COL12A1: variants seen among roughly 807,000 people sequenced by gnomAD.
COL12A1 encodes collagen type XII alpha 1 chain.
A neutral mutation model predicts 349.7 loss-of-function variants in COL12A1; 114 were observed. The observed-to-expected ratio is 0.33, with a 90% CI of 0.28 to 0.38. The LOEUF (loss-of-function observed/expected upper bound fraction) is 0.38. COL12A1 is among the 10% of genes least tolerant of loss of function. The pLI is 1.00. For missense variants in COL12A1, 3,284 were observed against 3,756.9 expected (o/e 0.87, Z 3.29); for synonymous variants, 1,369 against 1,329.0 (o/e 1.03, Z -0.66).
chr6:75,132,997 G>A (rs1473767222), intron 34 of COL12A1, among the ~76,000 whole-genome samples: 1 of 152,150 alleles, frequency 6.6e-6, no homozygotes. Flanking sequence ...TTATAAAGCA[G>A]AAAGCAAAGC....
chr6:75,140,313 T>C (rs1314954550), intron 27 of COL12A1, among the ~76,000 whole-genome samples: 1 of 151,952 alleles, frequency 6.6e-6, no homozygotes, highest in African/African-American at 2.4e-5. Context: ...TCTCACATGG[T>C]AAGAAAATAG....
intron 8 of COL12A1, among the ~76,000 whole-genome samples, chr6:75,186,506 A>T (rs1269252475): frequency 1.3e-5 from 2 of 152,168 alleles, no homozygotes; most frequent in Admixed American, 6.6e-5. Context: ...AGGAATGCTT[A>T]TATACTGTTG....
In COL12A1 at chr6:75,085,371, C is replaced by A. The variant is rs1181917190; in HGVS notation, c.*1176G>T. 2.1e-6 allele frequency: 1 copy of A among 469,790 alleles called. No individual in the cohort carries two copies. Among genetic ancestry groups the A allele is most frequent in the Admixed American group, 2.4e-5 (1 of 42,434 alleles). 29.1% of individuals were successfully genotyped at this position (469,790 alleles called of 1,614,324 possible). A position where few individuals can be genotyped will look rare whatever the true frequency, so the allele number is the denominator to read the frequency against. The stretch of plus-strand genomic sequence containing the variant: ...GCCCTCGGGCACGTAAGGCTCTGTC[C>A]GATTCAACATTACAATTATGGCATG... On this transcript the variant is annotated 3_prime_UTR_variant, in exon 66 of 66. Transcript: ENST00000322507.
intron 14 of COL12A1, among the ~76,000 whole-genome samples, chr6:75,157,447 A>G (rs1438169871): frequency 6.6e-6 from 1 of 152,100 alleles, no homozygotes; most frequent in Non-Finnish European, 1.5e-5. Flanking sequence ...CCCAGAAAAA[A>G]AAAAACCTAA....
chr6:75,189,122 G>T, intron 7 of COL12A1, 95 bp downstream of exon 7: 2 of 1,314,914 alleles, frequency 1.5e-6, no homozygotes, highest in Non-Finnish European at 2.1e-6. Flanking sequence ...ACTTCTAATA[G>T]CATCCTTCCT....
rs1162295476 is a variant in COL12A1 at position 75,132,061 on chromosome 6, T to G, written c.5816A>C (p.Asn1939Thr). ...AGGTGTAGGATTGTATACTTGGACA[T>G]TTCTTGCCAGTCCTCTCATCACTGA... is the stretch of plus-strand genomic sequence containing the variant. ...GRTLMRGLAR[N>T]VQVYNPTPNS... The change falls in exon 35 of 66, where the codon AAT becomes ACT. Residue 1939 changes from asparagine (N) to threonine (T), a missense_variant. By Grantham distance (65) the Asn-to-Thr change is moderately conservative (BLOSUM62 0). Coordinates refer to ENST00000322507, the MANE Select transcript of COL12A1 (RefSeq NM_004370.6). 9.3e-6 allele frequency: 15 copies of G among 1,613,958 alleles called. No individual in the cohort carries two copies. The highest frequency in any genetic ancestry group is 1.3e-5 in the Non-Finnish European group (15 of 1,179,956).
intron 14 of COL12A1, among the ~76,000 whole-genome samples, chr6:75,163,676 A>G (rs2149435900): frequency 6.6e-6 from 1 of 152,240 alleles, no homozygotes; most frequent in Admixed American, 6.6e-5. Context: ...AAAAAAGTTA[A>G]CTTGGGAAAA....
rs761596576 is a variant in COL12A1, at chr6:75,086,556, A to T, written c.9183T>A (p.Gly3061=). The T allele has an allele frequency of 1.2e-6, 2 of 1,605,856 alleles. No individual in the cohort carries two copies. The highest frequency in any genetic ancestry group is 1.7e-6 in the Non-Finnish European group (2 of 1,175,258). ...CGACTTAGAAAATGTGTTAGCCGGA[A>T]CCTGAAACAGGTCAAAGATGATAGT... ...SIPYNGQGYP[G]SG Residue 3061 remains glycine (G), a splice_region_variant and synonymous_variant, in exon 66 of 66, where the codon GGT becomes GGA. Transcript: ENST00000322507.
In COL12A1 at chr6:75,125,352, G is replaced by T. The variant is rs944979976; in HGVS notation, c.6461-79C>A. Reference sequence around the variant, plus strand: ...TTTGCTTAAAATTAAAGATCTTATAGTCAAAGGGTATTATGAACACGATTA... The same window carrying T: ...TTTGCTTAAAATTAAAGATCTTATATTCAAAGGGTATTATGAACACGATTA... On this transcript the variant is annotated intron_variant, in intron 39 of 65. Transcript: ENST00000322507. 6 of 1,359,844 alleles carry T rather than the reference G, an allele frequency of 4.4e-6. No homozygotes were observed. In the Admixed American group the frequency reaches 1.4e-4, roughly 31 times the overall value. The allele number at this position is 1,359,844 out of a possible 1,614,324, so 84.2% of individuals were successfully genotyped here. A position where few individuals can be genotyped will look rare whatever the true frequency, so the allele number is the denominator to read the frequency against.
At chr6:75,158,352 A>G (rs1426933970) in intron 14 of COL12A1, among the ~76,000 whole-genome samples, 1 of 152,150 alleles carries the variant, frequency 6.6e-6, no homozygotes, top group Non-Finnish European at 1.5e-5. Flanking sequence ...AGAAAAGGCC[A>G]TATGAGGACA....
At position 75,138,453 on chromosome 6, in the gene COL12A1, C is replaced by T. The variant is rs79830915; in HGVS notation, c.5225G>A (p.Arg1742His). Residue 1742 changes from arginine (R) to histidine (H), a missense_variant, in exon 29 of 66, where the codon CGC (arginine) becomes CAC (histidine). Transcript: ENST00000322507. ...SESDDLIGSE[R>H]TLPILTTQAP... ...TTTGAAAGCTAAACACCTACGTGTG[C>T]GCTCACTGCCAATCAGGTCATCACT... The T allele has an allele frequency of 3.6e-3, 5,812 of 1,613,066 alleles. 151 individuals carry two copies. In the African/African-American group the frequency reaches 0.065, roughly 18 times the overall value.
chr6:75,178,600 G>A (rs1158841392), intron 11 of COL12A1, among the ~76,000 whole-genome samples: 1 of 152,112 alleles, frequency 6.6e-6, no homozygotes, highest in African/African-American at 2.4e-5. Context: ...AACATCATTT[G>A]GTTTTGTGTT....
At chr6:75,151,665 T>C (rs1267422110) in intron 20 of COL12A1, among the ~76,000 whole-genome samples, 1 of 152,144 alleles carries the variant, frequency 6.6e-6, no homozygotes, top group Non-Finnish European at 1.5e-5. Flanking sequence ...ATCTATTAAT[T>C]TTCGTTTAAG....
intron 39 of COL12A1, 61 bp from the exon 40 acceptor site, chr6:75,125,334 A>G: frequency 6.8e-7 from 1 of 1,470,540 alleles, no homozygotes; most frequent in Middle Eastern, 1.8e-4. Flanking sequence ...AATTTTGCTT[A>G]AAATTAAAGA....
chr6:75,105,976 C>T (rs1007674633), intron 53 of COL12A1, among the ~76,000 whole-genome samples: 1 of 152,058 alleles, frequency 6.6e-6, no homozygotes, highest in Non-Finnish European at 1.5e-5. Flanking sequence ...AATCCATCAC[C>T]AACGTTCAAC....
chr6:75,118,119 A>G (rs1769177063), intron 46 of COL12A1, among the ~76,000 whole-genome samples: 1 of 152,212 alleles, frequency 6.6e-6, no homozygotes, highest in South Asian at 2.1e-4. Context: ...AAAAAGCTAT[A>G]TAAGGAATTA....
chr6:75,173,821 GGA>G (rs1254811311), intron 13 of COL12A1, among the ~76,000 whole-genome samples: 3 of 152,108 alleles, frequency 2.0e-5, no homozygotes, highest in African/African-American at 4.8e-5. Context: ...CAACTTTGAT[GGA>G]TATTTTGCTT....
In COL12A1 at chr6:75,123,371, G is replaced by T; in HGVS notation, c.6905C>A (p.Pro2302His). Residue 2302 changes from proline (P) to histidine (H), a missense_variant, in exon 43 of 66, where the codon CCC (proline) becomes CAC (histidine). Around this residue, in one of 2 missense-constraint regions of COL12A1, gnomAD observed 2,601 missense variants for 2,824.8 expected, o/e 0.92. Coordinates refer to ENST00000322507, the MANE Select transcript of COL12A1 (RefSeq NM_004370.6). ...VKPTEAPTEPPTPPPPPTIPP... is the reference protein window; with the variant it reads ...VKPTEAPTEPHTPPPPPTIPP... ...AATGGTGGGAGGGGGAGGAGGTGTGGGTGGCTCTGTAGGGGCTTCTGTTGG... is the reference window on the plus strand; with the variant it reads ...AATGGTGGGAGGGGGAGGAGGTGTGTGTGGCTCTGTAGGGGCTTCTGTTGG... 1.2e-6 allele frequency: 2 copies of T among 1,603,246 alleles called. No homozygotes were observed. Among genetic ancestry groups the T allele is most frequent in the Non-Finnish European group, 1.7e-6 (2 of 1,174,410 alleles).
chr6:75,148,013 AT>A (rs1346303757), intron 22 of COL12A1, among the ~76,000 whole-genome samples: 1 of 152,214 alleles, frequency 6.6e-6, no homozygotes, highest in African/African-American at 2.4e-5. Flanking sequence ...TGTAAAATGA[AT>A]GGGTAAAAAT....
Sources: gnomAD v4.1 joint callset for allele counts (sites outside exome capture counted in the v4.1 genomes callset) on GRCh38, gnomAD v4.1.1 for gene constraint, gnomAD v4.1.1 regional missense constraint, MANE v1.5 for transcripts, NCBI Gene and HGNC (gene_info 2026-07-23, HGNC 2026-07-21) for gene names.